The following MAPKBP1 variants were observed in gnomAD, a reference collection of about 807,000 sequenced individuals.
MAPKBP1 encodes mitogen-activated protein kinase-binding protein 1.
A neutral mutation model predicts 170.5 loss-of-function variants in MAPKBP1; 71 were observed. That is an observed-to-expected ratio of 0.42 (90% CI 0.34 to 0.51). MAPKBP1 has a LOEUF of 0.51. Among genes scored for constraint, MAPKBP1 ranks in the 20% least tolerant of loss-of-function variants. The probability of loss-of-function intolerance (pLI) is 0.06; values close to 1 mark genes in which losing one functional copy is unlikely to be tolerated. For synonymous variants in MAPKBP1, 719 were observed against 757.9 expected (o/e 0.95, Z 0.84); for missense variants, 1,598 against 1,933.0 (o/e 0.83, Z 3.25).
intron 12 of MAPKBP1, 84 bp from the exon 13 acceptor site, chr15:41,816,475 A>C: frequency 2.2e-6 from 2 of 893,934 alleles, no homozygotes; most frequent in Non-Finnish European, 3.6e-6. Context: ...AGGAAAAAGG[A>C]GGAGAAAATG....
At chr15:41,814,870 G>A in intron 10 of MAPKBP1, 131 bp downstream of exon 10, 2 of 1,170,812 alleles carry the variant, frequency 1.7e-6, no homozygotes, top group Non-Finnish European at 2.5e-6. Context: ...TGACTTCCCT[G>A]GGATAGATCC....
chr15:41,789,385 G>C (rs1381286617), intron 2 of MAPKBP1, among the ~76,000 whole-genome samples: 1 of 152,112 alleles, frequency 6.6e-6, no homozygotes, highest in Non-Finnish European at 1.5e-5. Context: ...CTGTGGAAGA[G>C]AAAGAGAGGG....
rs1322518123 is a variant in MAPKBP1, at chr15:41,824,586, C to G, written c.4299+17C>G. 69 of 1,578,998 alleles carry G rather than the reference C, an allele frequency of 4.4e-5. No homozygotes were observed. The highest frequency in any genetic ancestry group is 5.9e-5 in the Non-Finnish European group (69 of 1,165,352). ...TACCACTCGGTGGGTGTTAGGTGCC[C>G]CCCGGCAGGAAGGCGGGCACGTCAG... On this transcript the variant is annotated intron_variant, in intron 30 of 30. Coordinates refer to ENST00000457542, the MANE Select transcript of MAPKBP1 (RefSeq NM_014994.3).
chr15:41,819,557 G>GGGGGGGGCCCCCCCCC, intron 21 of MAPKBP1, 38 bp from the exon 22 acceptor site: 1 of 1,384,660 alleles, frequency 7.2e-7, no homozygotes, highest in Non-Finnish European at 1.0e-6. Flanking sequence ...CGGGGGGGGG[G>GGGGGGGGCCCCCCCCC]CAGGAGACAC....
At chr15:41,785,114 A>G (rs906521558) in intron 2 of MAPKBP1, among the ~76,000 whole-genome samples, 1 of 152,186 alleles carries the variant, frequency 6.6e-6, no homozygotes, top group African/African-American at 2.4e-5. Context: ...TGCTAATACT[A>G]TCAGTGTCTG....
At chr15:41,791,735 C>A (rs2064399181) in intron 2 of MAPKBP1, among the ~76,000 whole-genome samples, 1 of 152,118 alleles carries the variant, frequency 6.6e-6, no homozygotes, top group African/African-American at 2.4e-5. Context: ...ATTAATCACC[C>A]CTCCCTTCTG....
In MAPKBP1 at chr15:41,816,526, A is replaced by G. The variant is rs370449572; in HGVS notation, c.1494-33A>G. The stretch of plus-strand genomic sequence containing the variant: ...CGTGAGTCCTTCCTGCGGCCTGGCC[A>G]TGGCCTCTTCCCACCTCTCCTCATC... On this transcript the variant is annotated intron_variant, in intron 12 of 30. Coordinates refer to ENST00000457542, the MANE Select transcript of MAPKBP1 (RefSeq NM_014994.3). The G allele has an allele frequency of 6.6e-6, 10 of 1,523,248 alleles. No homozygotes were observed. In the African/African-American group the frequency reaches 1.1e-4, roughly 17 times the overall value. 94.4% of individuals were successfully genotyped at this position (1,523,248 alleles called of 1,614,324 possible). A position where few individuals can be genotyped will look rare whatever the true frequency, so the allele number is the denominator to read the frequency against.
chr15:41,817,776 C>T lies in MAPKBP1; in HGVS notation c.1904+41C>T, dbSNP rs2064918443. On this transcript the variant is annotated intron_variant, in intron 16 of 30. Coordinates refer to ENST00000457542, the MANE Select transcript of MAPKBP1 (RefSeq NM_014994.3). This position sits in a 1 kb window ranked among gnomAD's most constrained non-coding sequence, Gnocchi z 4.2. ...TCAGACTCTGCCCACATTCCTTCAT[C>T]TCCCTACGGGGTCAGCTCTGTGCAG... 6.2e-7 allele frequency: 1 copy of T among 1,602,450 alleles called. No homozygotes were observed.
intron 3 of MAPKBP1, chr15:41,810,593 C>T (rs1195436484): frequency 2.6e-6 from 1 of 386,126 alleles, no homozygotes; most frequent in African/African-American, 2.1e-5. Flanking sequence ...GTGGCACATG[C>T]CTGTGGTTCC....
chr15:41,825,982 A>T lies in MAPKBP1; in HGVS notation c.*546A>T, dbSNP rs2065085293. The T allele has an allele frequency of 6.5e-6, 1 of 152,910 alleles. No individual in the cohort carries two copies. Among genetic ancestry groups the T allele is most frequent in the Admixed American group, 6.5e-5 (1 of 15,298 alleles). The allele number at this position is 152,910 out of a possible 1,614,324, so 9.5% of individuals were successfully genotyped here. A position where few individuals can be genotyped will look rare whatever the true frequency, so the allele number is the denominator to read the frequency against. On this transcript the variant is annotated 3_prime_UTR_variant, in exon 31 of 31. Coordinates refer to ENST00000457542, the MANE Select transcript of MAPKBP1 (RefSeq NM_014994.3). ...ACCTGGAGCTCAGAAAGGCAGAGCC[A>T]TCTGGCCCTCCAGGGTGTCCCCAGC... is the stretch of plus-strand genomic sequence containing the variant.
Position 41,819,626 on chromosome 15 carries a change from C to T in MAPKBP1, c.2457C>T (p.Ser819=). The T allele has an allele frequency of 6.2e-7, 1 of 1,612,170 alleles. No individual in the cohort carries two copies. The highest frequency in any genetic ancestry group is 1.3e-5 in the African/African-American group (1 of 74,940). ...TCCCCAGCCCAGCTTTGCCCCGAAG[C>T]CTGTCCCACTGGGAGATGAGTCGGG... The part of the protein sequence containing the change: ...ASVPSPALPR[S]LSHWEMSRAQ... Residue 819 remains serine (S), a synonymous_variant, in exon 22 of 31, where the codon AGC becomes AGT. Coordinates refer to ENST00000457542, the MANE Select transcript of MAPKBP1 (RefSeq NM_014994.3).
At chr15:41,803,564 A>C (rs1596079691) in intron 3 of MAPKBP1, among the ~76,000 whole-genome samples, 2 of 152,066 alleles carry the variant, frequency 1.3e-5, no homozygotes, top group East Asian at 3.9e-4. Context: ...AAATAAAAAA[A>C]ATTAGCTGGG....
intron 2 of MAPKBP1, among the ~76,000 whole-genome samples, chr15:41,792,249 T>A (rs1451863024): frequency 6.6e-6 from 1 of 151,800 alleles, no homozygotes; most frequent in African/African-American, 2.4e-5. Context: ...TACCCCTTTA[T>A]CTTATTAAAG....
At chr15:41,782,327 T>C (rs1490570289) in intron 2 of MAPKBP1, among the ~76,000 whole-genome samples, 1 of 151,750 alleles carries the variant, frequency 6.6e-6, no homozygotes, top group Admixed American at 6.6e-5. Flanking sequence ...AATATTGTAT[T>C]ATAAATAATG....
At chr15:41,809,401 A>G (rs554530324) in intron 3 of MAPKBP1, among the ~76,000 whole-genome samples, 10 of 152,296 alleles carry the variant, frequency 6.6e-5, no homozygotes, top group South Asian at 2.1e-4. Flanking sequence ...AGTGTCCCCA[A>G]ATTTGCATAT....
Position 41,817,671 on chromosome 15 carries a change from T to C in MAPKBP1, c.1840T>C (p.Tyr614His). Residue 614 changes from tyrosine to histidine, a missense_variant, in exon 16 of 31, where the codon TAT becomes CAT. Physicochemically the swap from Tyr to His is moderately conservative, Grantham distance 83. Coordinates refer to ENST00000457542, the MANE Select transcript of MAPKBP1 (RefSeq NM_014994.3). The surrounding 1 kb of genome is among the most constrained non-coding windows in gnomAD (Gnocchi z 4.2). ...CCACGTGGTGCGGAAGACGACCCTC[T>C]ATGACATGGATGTGGAGCCCAGCTG... Reference protein sequence around the residue: ...THHVVRKTTLYDMDVEPSWKY... With the variant: ...THHVVRKTTLHDMDVEPSWKY... 1.2e-6 allele frequency: 2 copies of C among 1,614,178 alleles called. No homozygotes were observed. Among genetic ancestry groups the C allele is most frequent in the East Asian group, 2.2e-5 (1 of 44,882 alleles).
At chr15:41,822,763 T>C in intron 27 of MAPKBP1, 86 bp downstream of exon 27, 1 of 1,532,744 alleles carries the variant, frequency 6.5e-7, no homozygotes, top group South Asian at 1.1e-5. Flanking sequence ...GTGTTCTGTC[T>C]CTCCATGCGC....
At chr15:41,791,006 A>G (rs2064386716) in intron 2 of MAPKBP1, among the ~76,000 whole-genome samples, 1 of 152,108 alleles carries the variant, frequency 6.6e-6, no homozygotes, top group Admixed American at 6.5e-5. Flanking sequence ...GCTTTGTGAG[A>G]TTAGAGTGTA....
rs1188442404 is a variant in MAPKBP1 at position 41,821,736 on chromosome 15, C to T, written c.2871C>T (p.Pro957=). ...GIVYPEPSDN[P]TMDTSEFQVQ... is the part of the protein sequence containing the mutation. ...TCTACCCGGAGCCGAGTGACAACCCCACCATGGATACCAGGCAAGGATCCT... is the reference window on the plus strand; with the variant it reads ...TCTACCCGGAGCCGAGTGACAACCCTACCATGGATACCAGGCAAGGATCCT... The change falls in exon 24 of 31, where the codon CCC becomes CCT. Residue 957 remains proline, a synonymous_variant. Coordinates refer to ENST00000457542, the MANE Select transcript of MAPKBP1 (RefSeq NM_014994.3). 6.2e-7 allele frequency: 1 copy of T among 1,614,014 alleles called. No individual in the cohort carries two copies. The highest frequency in any genetic ancestry group is 8.5e-7 in the Non-Finnish European group (1 of 1,180,008).
Sources: gnomAD v4.1 joint callset for allele counts (sites outside exome capture counted in the v4.1 genomes callset) on GRCh38, gnomAD v4.1.1 for gene constraint, Gnocchi (gnomAD v3.1) non-coding constraint, MANE v1.5 for transcripts, NCBI Gene and HGNC (gene_info 2026-07-23, HGNC 2026-07-21) for gene names.